The following ZNF710 variants were observed in gnomAD, a reference collection of about 807,000 sequenced individuals.
The protein encoded by ZNF710 is zinc finger protein 710.
In ZNF710, 13 loss-of-function variants were observed where a neutral mutation model predicts 50.6. The observed-to-expected ratio is 0.26, with a 90% CI of 0.17 to 0.41. The LOEUF (loss-of-function observed/expected upper bound fraction) is 0.41. ZNF710 is among the 10% of genes least tolerant of loss of function. The probability of loss-of-function intolerance (pLI) is 1.00; values close to 1 mark genes in which losing one functional copy is unlikely to be tolerated. For synonymous variants in ZNF710, 383 were observed against 397.0 expected (o/e 0.96, Z 0.42); for missense variants, 721 against 936.6 (o/e 0.77, Z 3.01).
chr15:90,033,205 G>A (rs1898999963), intron 1 of ZNF710, among the ~76,000 whole-genome samples: 1 of 152,212 alleles, frequency 6.6e-6, no homozygotes, highest in Non-Finnish European at 1.5e-5. Context: ...CGAACAGCGT[G>A]TGGGCCAGGG....
In ZNF710 at chr15:90,048,079, C is replaced by T. The variant is rs78271242; in HGVS notation, c.-28-19031C>T. Among the ~76,000 whole-genome samples, 349 of 152,344 alleles carry T rather than the reference C, an allele frequency of 2.3e-3. 6 individuals are homozygous for T. The East Asian group carries it at 0.061, about 27-fold the overall frequency. ...TGACACACTGTGCTGAAAGTTGGCC[C>T]AGGTTGGCACTGTCACTCTCAGGGC... On this transcript the variant is annotated intron_variant, in intron 1 of 4. Transcript: ENST00000268154.
chr15:90,058,701 T>TATATATA (rs1567236919), intron 1 of ZNF710, among the ~76,000 whole-genome samples: 1 of 143,552 alleles, frequency 7.0e-6, no homozygotes, highest in Non-Finnish European at 1.5e-5. Context: ...CACTATATAT[T>TATATATA]TATATATATA....
intron 1 of ZNF710, among the ~76,000 whole-genome samples, chr15:90,063,499 C>T (rs749701834): frequency 4.6e-5 from 7 of 152,142 alleles, no homozygotes; most frequent in Non-Finnish European, 1.0e-4. Context: ...CCCTGCCCTG[C>T]CCCCACTTAG....
intron 1 of ZNF710, among the ~76,000 whole-genome samples, chr15:90,021,085 G>T (rs1489133842): frequency 1.9e-5 from 2 of 105,176 alleles, no homozygotes; most frequent in East Asian, 4.0e-4. Context: ...TTGCTATGGA[G>T]TCAAACGTTT....
chr15:90,005,222 C>A (rs964790911), intron 1 of ZNF710, among the ~76,000 whole-genome samples: 22 of 152,222 alleles, frequency 1.4e-4, no homozygotes, highest in African/African-American at 4.8e-4. Flanking sequence ...TAGATACTTG[C>A]TGAATGAATG....
At chr15:90,052,912 G>A (rs528688253) in intron 1 of ZNF710, among the ~76,000 whole-genome samples, 79 of 152,292 alleles carry the variant, frequency 5.2e-4, no homozygotes, top group Admixed American at 1.6e-3. Flanking sequence ...CAGCCTGGGC[G>A]ACAGAGAGAG....
chr15:90,021,103 G>T (rs947160793), intron 1 of ZNF710, among the ~76,000 whole-genome samples: 2 of 151,830 alleles, frequency 1.3e-5, no homozygotes, highest in Admixed American at 1.3e-4. Flanking sequence ...TTTCTCCAGT[G>T]TGTGTTCAGA....
chr15:90,031,029 A>AAAAAAG, intron 1 of ZNF710, among the ~76,000 whole-genome samples: 1 of 146,030 alleles, frequency 6.8e-6, no homozygotes, highest in Non-Finnish European at 1.5e-5. Flanking sequence ...AAAAAAAAAG[A>AAAAAAG]AAAAAAAAAA....
At chr15:90,015,796 A>C (rs1898437565) in intron 1 of ZNF710, among the ~76,000 whole-genome samples, 1 of 152,098 alleles carries the variant, frequency 6.6e-6, no homozygotes, top group Non-Finnish European at 1.5e-5. Flanking sequence ...TTTTTTGTAG[A>C]GACAAGGTCT....
rs550667888 is a variant in ZNF710, at chr15:90,037,798, C to T, written c.-28-29312C>T. ...AAGATGAGGGATGTCGGGCTTCTGCCCTCAAAGAACTCTGGATCTCGAGGG... is the reference window on the plus strand; with the variant it reads ...AAGATGAGGGATGTCGGGCTTCTGCTCTCAAAGAACTCTGGATCTCGAGGG... On this transcript the variant is annotated intron_variant, in intron 1 of 4. Coordinates refer to ENST00000268154, the MANE Select transcript of ZNF710 (RefSeq NM_198526.4). 3.9e-5 allele frequency among the ~76,000 whole-genome samples: 6 copies of T among 152,282 alleles called. No homozygotes were observed. The East Asian group carries it at 1.2e-3, about 29-fold the overall frequency.
rs139204788 is a variant in ZNF710, at chr15:90,066,315, G to T, written c.-28-795G>T. Among the ~76,000 whole-genome samples, 214 of 152,198 alleles carry T rather than the reference G, an allele frequency of 1.4e-3. 2 individuals carry two copies. The highest frequency in any genetic ancestry group is 0.011 in the Admixed American group (161 of 15,284). On this transcript the variant is annotated intron_variant, in intron 1 of 4. Coordinates refer to ENST00000268154, the MANE Select transcript of ZNF710 (RefSeq NM_198526.4). ...TAACACCTCACCGCACAGTCCCAAGGTCTGTGCAAATTAATTACTTTGGCA... is the reference window on the plus strand; with the variant it reads ...TAACACCTCACCGCACAGTCCCAAGTTCTGTGCAAATTAATTACTTTGGCA...
intron 1 of ZNF710, among the ~76,000 whole-genome samples, chr15:90,011,203 T>G (rs955258772): frequency 1.3e-5 from 2 of 152,226 alleles, no homozygotes; most frequent in Non-Finnish European, 2.9e-5. Context: ...GTGCTGGGAT[T>G]ACAGGCGTGA....
intron 1 of ZNF710, among the ~76,000 whole-genome samples, chr15:90,023,813 A>G (rs1898692713): frequency 6.6e-6 from 1 of 152,206 alleles, no homozygotes; most frequent in African/African-American, 2.4e-5. Context: ...CCTAGGCAGC[A>G]TGGCAAAACC....
chr15:90,041,205 T>G (rs1159366286), intron 1 of ZNF710, among the ~76,000 whole-genome samples: 1 of 152,106 alleles, frequency 6.6e-6, no homozygotes, highest in Admixed American at 6.5e-5. Context: ...TGTTTGTCTG[T>G]TTGGTTGGTT....
At chr15:90,045,445 AG>A in intron 1 of ZNF710, 4 of 964,836 alleles carry the variant, frequency 4.1e-6, no homozygotes, top group Non-Finnish European at 3.7e-6. Flanking sequence ...AGCTCTAGTG[AG>A]GTCAACACTG....
chr15:90,056,923 G>A (rs1005347616), intron 1 of ZNF710, among the ~76,000 whole-genome samples: 5 of 152,056 alleles, frequency 3.3e-5, no homozygotes, highest in African/African-American at 7.2e-5. Context: ...GATTGCCAGC[G>A]AGGGTTCCCC....
chr15:90,010,174 A>C (rs980919665), intron 1 of ZNF710, among the ~76,000 whole-genome samples: 1 of 152,000 alleles, frequency 6.6e-6, no homozygotes, highest in Admixed American at 6.6e-5. Flanking sequence ...CCCTGTCCTC[A>C]TGTCTCCTGT....
At chr15:90,030,124 G>A (rs898457149) in intron 1 of ZNF710, among the ~76,000 whole-genome samples, 1 of 150,582 alleles carries the variant, frequency 6.6e-6, no homozygotes, top group Non-Finnish European at 1.5e-5. Flanking sequence ...GAGGTCAGGA[G>A]TTCGAGACCA....
At position 90,067,059 on chromosome 15, in the gene ZNF710, G is replaced by T. The variant is rs1567240433; in HGVS notation, c.-28-51G>T. Reference sequence around the variant, plus strand: ...CTTGTCTGTGCTGTGTCTGTTGTCTGTCTGTGCAGGAGTGAGCCAGCAATA... The same window carrying T: ...CTTGTCTGTGCTGTGTCTGTTGTCTTTCTGTGCAGGAGTGAGCCAGCAATA... On this transcript the variant is annotated intron_variant, in intron 1 of 4. Coordinates refer to ENST00000268154, the MANE Select transcript of ZNF710 (RefSeq NM_198526.4). The surrounding 1 kb of genome is among the most constrained non-coding windows in gnomAD (Gnocchi z 8.1). 8.0e-6 allele frequency: 12 copies of T among 1,509,182 alleles called. No individual in the cohort carries two copies. Among genetic ancestry groups the T allele is most frequent in the Non-Finnish European group, 1.1e-5 (12 of 1,130,064 alleles). The allele number at this position is 1,509,182 out of a possible 1,614,324, so 93.5% of individuals were successfully genotyped here.
Sources: allele counts gnomAD v4.1 joint callset (sites outside exome capture counted in the v4.1 genomes callset), GRCh38; gene constraint gnomAD v4.1.1; non-coding constraint Gnocchi (gnomAD v3.1); transcripts MANE v1.5; gene names NCBI Gene and HGNC (gene_info 2026-07-23, HGNC 2026-07-21).